Variants in GATA4 observed in about 807,000 individuals in gnomAD.
GATA4 encodes the protein GATA binding protein 4, also known as transcription factor GATA-4.
In GATA4, 7 loss-of-function variants were observed where a neutral mutation model predicts 37.9. The ratio of observed to expected loss-of-function variants is 0.18; its 90% confidence interval spans 0.11 to 0.35. GATA4 has a LOEUF of 0.35. Ranked by LOEUF, GATA4 falls within the 10% of genes least tolerant of loss-of-function variation. The pLI, the probability that GATA4 is intolerant of heterozygous loss-of-function variation, is 1.00. For synonymous variants in GATA4, 372 were observed against 292.6 expected, an observed-to-expected ratio of 1.27 and a Z score of -2.77; for missense variants, 647 against 653.0, an observed-to-expected ratio of 0.99 and a Z score of 0.10.
At chr8:11,699,143 T>C (rs1799592958) in intron 1 of GATA4, among the ~76,000 whole-genome samples, 1 of 152,230 alleles carries the variant, frequency 6.6e-6, no homozygotes, top group Non-Finnish European at 1.5e-5. Context: ...TCACAGAGCA[T>C]ACCTTTTGGG....
chr8:11,748,752 G>A (rs1392719030), intron 2 of GATA4, among the ~76,000 whole-genome samples, 164 bp from the exon 3 acceptor site: 1 of 152,184 alleles, frequency 6.6e-6, no homozygotes, highest in South Asian at 2.1e-4. Context: ...TAGGGAGCAG[G>A]GGCTGAAGTC....
chr8:11,686,389 T>C (rs1322311622), intron 1 of GATA4, among the ~76,000 whole-genome samples: 2 of 152,188 alleles, frequency 1.3e-5, no homozygotes, highest in African/African-American at 4.8e-5. Context: ...TGGTATTTTC[T>C]TTCTCTAAGT....
At chr8:11,731,651 T>TG (rs1452344172) in intron 2 of GATA4, among the ~76,000 whole-genome samples, 1 of 152,170 alleles carries the variant, frequency 6.6e-6, no homozygotes. Flanking sequence ...TGAAAACAGT[T>TG]GTAGAGATTA....
intron 1 of GATA4, among the ~76,000 whole-genome samples, chr8:11,685,240 A>G (rs1306869519): frequency 6.6e-6 from 1 of 152,254 alleles, no homozygotes; most frequent in African/African-American, 2.4e-5. Flanking sequence ...CTTAAGAAAG[A>G]AAAAGTAGAT....
chr8:11,725,704 T>G (rs1232682409), intron 2 of GATA4, among the ~76,000 whole-genome samples: 1 of 152,202 alleles, frequency 6.6e-6, no homozygotes, highest in Non-Finnish European at 1.5e-5. Context: ...GGGAAGAGCG[T>G]GGACCCAGCA....
At chr8:11,692,480 A>G (rs1799344892), upstream of GATA4, 4 of 980,908 alleles carry the variant, frequency 4.1e-6, no homozygotes, top group Non-Finnish European at 4.8e-6. Context: ...GGTGTCCTGA[A>G]TTTTCTCCTC....
chr8:11,721,077 T>G (rs1800652461), intron 2 of GATA4, among the ~76,000 whole-genome samples: 1 of 151,764 alleles, frequency 6.6e-6, no homozygotes, highest in South Asian at 2.1e-4. Flanking sequence ...TCCCAGCAAC[T>G]TAGAGCTTGC....
chr8:11,718,114 C>A (rs1585617894), intron 2 of GATA4, among the ~76,000 whole-genome samples: 1 of 152,110 alleles, frequency 6.6e-6, no homozygotes, highest in Non-Finnish European at 1.5e-5. Context: ...AATAAAAGCA[C>A]AATAATGATG....
chr8:11,708,849 C>A lies in GATA4; in HGVS notation c.537C>A (p.Ala179=). The A allele has an allele frequency of 6.7e-7, 1 of 1,499,660 alleles. No homozygotes were observed. Among genetic ancestry groups the A allele is most frequent in the Non-Finnish European group, 8.8e-7 (1 of 1,132,312 alleles). 92.9% of individuals were successfully genotyped at this position (1,499,660 alleles called of 1,614,324 possible). A position where few individuals can be genotyped will look rare whatever the true frequency, so the allele number is the denominator to read the frequency against. Reference sequence around the variant, plus strand: ...CGTCCTGGGCCGCAGCCGCCGCCGCCTCCGCCGGCCCCTTCGACAGCCCGG... The same window carrying A: ...CGTCCTGGGCCGCAGCCGCCGCCGCATCCGCCGGCCCCTTCGACAGCCCGG... ...VGASWAAAAA[A]SAGPFDSPVL... Residue 179 remains alanine, a synonymous_variant, in exon 2 of 7, where the codon GCC becomes GCA. Transcript: ENST00000532059. The surrounding 1 kb of genome is among the most constrained non-coding windows in gnomAD (Gnocchi z 6.7).
At position 11,695,736 on chromosome 8, in the gene GATA4, A is replaced by G. The variant is rs551759832; in HGVS notation, c.-729+3076A>G. 4.1e-4 allele frequency among the ~76,000 whole-genome samples: 63 copies of G among 152,268 alleles called. No individual in the cohort carries two copies. In the South Asian group the frequency reaches 7.5e-3, roughly 18 times the overall value. On this transcript the variant is annotated intron_variant, in intron 1 of 2. Coordinates refer to the GATA4 transcript ENST00000526974. ...GCTGTTTGGCTTCAAGACCTTCAGGATGTGAGAGGAGGATAACCCTCACTC... is the reference window on the plus strand; with the variant it reads ...GCTGTTTGGCTTCAAGACCTTCAGGGTGTGAGAGGAGGATAACCCTCACTC...
At chr8:11,750,947 CA>C (rs34477636) in intron 4 of GATA4, among the ~76,000 whole-genome samples, 121,100 of 151,250 alleles carry the variant, frequency 0.8, 49,093 homozygotes, top group East Asian at 0.98. Flanking sequence ...ACCCTGTCTC[CA>C]AAAAAATAAA....
chr8:11,728,803 T>G (rs552558196), intron 2 of GATA4, among the ~76,000 whole-genome samples: 2 of 152,368 alleles, frequency 1.3e-5, no homozygotes, highest in Admixed American at 6.5e-5. Context: ...TTTGCCTTCC[T>G]TCTCAGTATT....
Position 11,708,419 on chromosome 8 carries a change from C to T in GATA4, c.107C>T (p.Pro36Leu). 1 of 1,537,402 alleles carries T rather than the reference C, an allele frequency of 6.5e-7. No individual in the cohort carries two copies. Among genetic ancestry groups the T allele is most frequent in the Non-Finnish European group, 8.7e-7 (1 of 1,148,026 alleles). Residue 36 changes from proline (P) to leucine (L), a missense_variant, in exon 2 of 7, where the codon CCA becomes CTA. Physicochemically the swap from Pro to Leu is moderately conservative, Grantham distance 98 (BLOSUM62 -3). Transcript: ENST00000532059. This position sits in a 1 kb window ranked among gnomAD's most constrained non-coding sequence, Gnocchi z 6.7. ...CACGGCGCGGGCGCCGCGTCCTCGC[C>T]AGTCTACGTGCCCACACCGCGGGTG... ...FMHGAGAASSPVYVPTPRVPS... is the reference protein window; with the variant it reads ...FMHGAGAASSLVYVPTPRVPS...
chr8:11,727,035 A>G lies in GATA4; in HGVS notation c.616+18107A>G, dbSNP rs184134699. ...TCCTTCCTGGAGAGCCCCTTGAGGC[A>G]CCAGGAGAGCTGTGCGTGCCAGCCA... On this transcript the variant is annotated intron_variant, in intron 2 of 6. Coordinates refer to ENST00000532059, the MANE Select transcript of GATA4 (RefSeq NM_001308093.3). Among the ~76,000 whole-genome samples, 420 of 152,220 alleles carry G rather than the reference A, an allele frequency of 2.8e-3. 2 individuals carry two copies. The highest frequency in any genetic ancestry group is 9.6e-3 in the African/African-American group (399 of 41,538).
At chr8:11,711,275 GC>G (rs1177596035) in intron 2 of GATA4, among the ~76,000 whole-genome samples, 5 of 152,200 alleles carry the variant, frequency 3.3e-5, no homozygotes, top group African/African-American at 1.2e-4. Flanking sequence ...ACTGCCACCT[GC>G]CTTCTCTGGG....
At chr8:11,725,381 C>G (rs1800868806) in intron 2 of GATA4, among the ~76,000 whole-genome samples, 2 of 152,208 alleles carry the variant, frequency 1.3e-5, no homozygotes, top group Admixed American at 1.3e-4. Flanking sequence ...TGTTGAAGCC[C>G]CGTGCATCAC....
chr8:11,716,752 T>TGCA (rs1262546119), intron 2 of GATA4, among the ~76,000 whole-genome samples: 1 of 152,218 alleles, frequency 6.6e-6, no homozygotes, highest in Non-Finnish European at 1.5e-5. Context: ...ACTAACCGGC[T>TGCA]GCAGCGGTGG....
At chr8:11,698,097 C>T (rs1799561602) in intron 1 of GATA4, 3 of 799,244 alleles carry the variant, frequency 3.8e-6, no homozygotes, top group Non-Finnish European at 4.5e-6. Context: ...GGCGTCCGTC[C>T]TCTCCCAGGA....
rs147050993 is a variant in GATA4, at chr8:11,755,051, C to T, written c.918C>T (p.Pro306=). The T allele has an allele frequency of 6.3e-5, 102 of 1,613,746 alleles. No individual in the cohort carries two copies. In the African/African-American group the frequency reaches 1.3e-3, roughly 20 times the overall value. ...ATTTACTTGTGACCCTCCAGGTCCC[C>T]AGGCCTCTTGCAATGCGGAAAGAGG... ...CGLYMKLHGV[P]RPLAMRKEGI... Residue 306 remains proline, a synonymous_variant, in exon 5 of 7, where the codon CCC becomes CCT. Coordinates refer to ENST00000532059, the MANE Select transcript of GATA4 (RefSeq NM_001308093.3).
Sources: gnomAD v4.1 joint callset for allele counts (sites outside exome capture counted in the v4.1 genomes callset) on GRCh38, gnomAD v4.1.1 for gene constraint, Gnocchi (gnomAD v3.1) non-coding constraint, MANE v1.5 for transcripts, NCBI Gene and HGNC (gene_info 2026-07-23, HGNC 2026-07-21) for gene names.